Variants in MACROD2 observed in about 807,000 individuals in gnomAD.
MACROD2 encodes the protein ADP-ribose glycohydrolase MACROD2.
MACROD2 carries 36 observed loss-of-function variants against 70.4 expected under a neutral mutation model. The observed-to-expected ratio is 0.51, with a 90% confidence interval of 0.39 to 0.68. The LOEUF (loss-of-function observed/expected upper bound fraction) is 0.68, where lower values mean the gene tolerates loss of function less well. MACROD2 is among the 30% of genes least tolerant of loss of function. The probability of loss-of-function intolerance (pLI) is 0.00; values close to 1 mark genes in which losing one functional copy is unlikely to be tolerated. For synonymous variants in MACROD2, 172 were observed against 178.8 expected (o/e 0.96, Z 0.30); for missense variants, 496 against 538.4 (o/e 0.92, Z 0.78).
At chr20:15,288,063 C>T (rs1382115356) in intron 6 of MACROD2, among the ~76,000 whole-genome samples, 1 of 152,150 alleles carries the variant, frequency 6.6e-6, no homozygotes, top group Non-Finnish European at 1.5e-5. Flanking sequence ...TTTGATTTTG[C>T]TTATTTTGTT....
At chr20:14,794,549 G>GT (rs920949585) in intron 5 of MACROD2, among the ~76,000 whole-genome samples, 17 of 151,656 alleles carry the variant, frequency 1.1e-4, no homozygotes, top group South Asian at 2.1e-4. Flanking sequence ...GATATTTCTC[G>GT]TTTTTTTTCT....
At chr20:14,759,335 C>T (rs548231808) in intron 5 of MACROD2, among the ~76,000 whole-genome samples, 9 of 152,114 alleles carry the variant, frequency 5.9e-5, no homozygotes, top group Admixed American at 6.5e-5. Flanking sequence ...GATAGCATAA[C>T]TAATCTAGTA....
chr20:14,510,484 A>C (rs1170400408), intron 4 of MACROD2, among the ~76,000 whole-genome samples: 1 of 152,074 alleles, frequency 6.6e-6, no homozygotes, highest in African/African-American at 2.4e-5. Flanking sequence ...TTGCCAGTTT[A>C]TAATTCTCCT....
At position 14,207,388 on chromosome 20, in the gene MACROD2, C is replaced by T. The variant is rs572628949; in HGVS notation, c.271+121660C>T. Among the ~76,000 whole-genome samples the T allele has an allele frequency of 2.2e-4, 34 of 152,302 alleles. No individual in the cohort carries two copies. In the Middle Eastern group the frequency reaches 0.01, roughly 46 times the overall value. Reference sequence around the variant, plus strand: ...GTGCTGGGATTACAGGCGTGAGCCACTGTGCCCGGCCAGAAATGACACTTC... The same window carrying T: ...GTGCTGGGATTACAGGCGTGAGCCATTGTGCCCGGCCAGAAATGACACTTC... On this transcript the variant is annotated intron_variant, in intron 3 of 17. Transcript: ENST00000684519.
chr20:14,879,004 T>C (rs1490257081), intron 5 of MACROD2, among the ~76,000 whole-genome samples: 3 of 152,162 alleles, frequency 2.0e-5, no homozygotes, highest in Non-Finnish European at 4.4e-5. Context: ...CAGCCAGATG[T>C]AATCTCTTCT....
intron 8 of MACROD2, among the ~76,000 whole-genome samples, chr20:15,620,064 GA>G (rs1334752056): frequency 6.6e-6 from 1 of 152,140 alleles, no homozygotes; most frequent in Non-Finnish European, 1.5e-5. Context: ...AGCAGGAAAT[GA>G]TGAAATGATG....
chr20:14,018,257 TA>T (rs775898829), intron 2 of MACROD2, among the ~76,000 whole-genome samples: 2 of 152,128 alleles, frequency 1.3e-5, no homozygotes, highest in Admixed American at 6.5e-5. Context: ...TGATTTCCTT[TA>T]TTTTTTTTTT....
rs535996198 is a variant in MACROD2 at position 14,283,556 on chromosome 20, A to G, written c.271+197828A>G. 2.6e-5 allele frequency among the ~76,000 whole-genome samples: 4 copies of G among 152,374 alleles called. No homozygotes were observed. The East Asian group carries it at 7.7e-4, about 29-fold the overall frequency. ...GTTATAAGAAGATATGCTAGAGATT[A>G]ATTCATGTATTTACTTAATTACAAT... On this transcript the variant is annotated intron_variant, in intron 3 of 17. Transcript: ENST00000684519.
intron 5 of MACROD2, among the ~76,000 whole-genome samples, chr20:15,110,194 G>A (rs73096066): frequency 0.29 from 44,356 of 151,996 alleles, 7,874 homozygotes; most frequent in Non-Finnish European, 0.41. Context: ...CTGTGCAGTG[G>A]TGCCCAAGGA....
intron 12 of MACROD2, among the ~76,000 whole-genome samples, chr20:15,963,049 GA>G (rs2066085824): frequency 6.6e-6 from 1 of 152,130 alleles, no homozygotes; most frequent in Non-Finnish European, 1.5e-5. Context: ...TCAGATGGAG[GA>G]AAAATTACTT....
intron 6 of MACROD2, among the ~76,000 whole-genome samples, chr20:15,397,877 G>A (rs73269009): frequency 0.079 from 12,094 of 152,132 alleles, 1,393 homozygotes; most frequent in African/African-American, 0.25. Flanking sequence ...TTTGAAAAAA[G>A]TGTGCAGAGA....
intron 4 of MACROD2, among the ~76,000 whole-genome samples, chr20:14,513,641 C>T (rs1410421538): frequency 1.3e-5 from 2 of 152,040 alleles, no homozygotes; most frequent in Non-Finnish European, 1.5e-5. Flanking sequence ...CATATAAATA[C>T]TTGCTGCAGA....
intron 8 of MACROD2, among the ~76,000 whole-genome samples, chr20:15,571,421 G>GT (rs2048374820): frequency 1.4e-5 from 1 of 71,808 alleles, no homozygotes; most frequent in African/African-American, 2.8e-5. Flanking sequence ...CAGTTTCCCT[G>GT]TTTTTTCTTT....
intron 8 of MACROD2, among the ~76,000 whole-genome samples, chr20:15,818,338 T>C (rs1462015243): frequency 6.6e-6 from 1 of 152,210 alleles, no homozygotes; most frequent in East Asian, 1.9e-4. Flanking sequence ...GTGAGTTTCC[T>C]GGGAAAAGGG....
At chr20:15,484,191 C>G (rs2047136129) in intron 7 of MACROD2, among the ~76,000 whole-genome samples, 1 of 151,912 alleles carries the variant, frequency 6.6e-6, no homozygotes, top group African/African-American at 2.4e-5. Flanking sequence ...CTTGATCTGT[C>G]TCTTCAAACT....
At chr20:15,417,903 C>T (rs540430983) in intron 6 of MACROD2, among the ~76,000 whole-genome samples, 5 of 152,274 alleles carry the variant, frequency 3.3e-5, no homozygotes, top group Non-Finnish European at 4.4e-5. Context: ...GCACATAGAA[C>T]GGTTTTCACA....
At chr20:15,411,890 C>G (rs2046083774) in intron 6 of MACROD2, among the ~76,000 whole-genome samples, 1 of 152,134 alleles carries the variant, frequency 6.6e-6, no homozygotes, top group Admixed American at 6.6e-5. Context: ...TGGTTTAATC[C>G]TTGGTGCTGC....
chr20:15,823,347 CAT>C (rs2063962282), intron 8 of MACROD2, among the ~76,000 whole-genome samples: 2 of 149,194 alleles, frequency 1.3e-5, no homozygotes, highest in African/African-American at 4.9e-5. Context: ...CGAAGCAAAT[CAT>C]ATTTGCAAAA....
rs1018122918 is a variant in MACROD2, at chr20:14,879,254, C to T, written c.418+194295C>T. Among the ~76,000 whole-genome samples the T allele has an allele frequency of 1.4e-4, 22 of 152,184 alleles. 1 individual carries two copies. On this transcript the variant is annotated intron_variant, in intron 5 of 17. Transcript: ENST00000684519. ...CCATTCTGATTCATGTTTACATGGACAGAAAAAGAATGAGTTGATTATTAA... is the reference window on the plus strand; with the variant it reads ...CCATTCTGATTCATGTTTACATGGATAGAAAAAGAATGAGTTGATTATTAA...
Sources: allele counts gnomAD v4.1 joint callset (sites outside exome capture counted in the v4.1 genomes callset), GRCh38; gene constraint gnomAD v4.1.1; transcripts MANE v1.5; gene names NCBI Gene and HGNC (gene_info 2026-07-23, HGNC 2026-07-21).